The following MAL2 variants were observed in gnomAD, a reference collection of about 807,000 sequenced individuals.
MAL2 encodes protein MAL2.
A neutral mutation model predicts 18.1 loss-of-function variants in MAL2; 17 were observed. The ratio of observed to expected loss-of-function variants is 0.94; its 90% CI spans 0.64 to 1.41. The LOEUF (loss-of-function observed/expected upper bound fraction) is 1.41, where lower values mean the gene tolerates loss of function less well. MAL2 is among the 40% of genes most tolerant of loss of function. The pLI, the probability that MAL2 is intolerant of heterozygous loss-of-function variation, is 0.00. For missense variants in MAL2, 222 were observed against 231.9 expected, an observed-to-expected ratio of 0.96 and a Z score of 0.28; for synonymous variants, 102 against 102.3, an observed-to-expected ratio of 1.00 and a Z score of 0.02.
intron 2 of MAL2, among the ~76,000 whole-genome samples, chr8:119,239,247 A>G (rs1271747232): frequency 1.3e-5 from 2 of 152,200 alleles, no homozygotes; most frequent in African/African-American, 4.8e-5. Context: ...ACCAGTTAGA[A>G]TGGCAATCAT....
intron 2 of MAL2, among the ~76,000 whole-genome samples, chr8:119,225,698 G>T (rs893301187): frequency 3.3e-5 from 5 of 152,192 alleles, no homozygotes; most frequent in African/African-American, 1.2e-4. Context: ...TCGCCACACT[G>T]ACTTCCACAA....
At chr8:119,223,704 C>CA (rs1817519146) in intron 2 of MAL2, 1 of 152,178 alleles carries the variant, frequency 6.6e-6, no homozygotes, top group African/African-American at 2.4e-5. Context: ...GTATGGTAGG[C>CA]ATGCTTTCTA....
At chr8:119,236,188 A>G in intron 2 of MAL2, among the ~76,000 whole-genome samples, 1 of 102,616 alleles carries the variant, frequency 9.7e-6, no homozygotes, top group Non-Finnish European at 1.9e-5. Context: ...AGATCAAAAG[A>G]GACAAAGAAG....
At chr8:119,222,105 T>A (rs1266679555) in intron 2 of MAL2, among the ~76,000 whole-genome samples, 1 of 152,212 alleles carries the variant, frequency 6.6e-6, no homozygotes, top group African/African-American at 2.4e-5. Context: ...CATCTTGAAA[T>A]TTTCCATTAA....
chr8:119,233,528 TCAGAGAATACTA>T (rs1466841864), intron 2 of MAL2, among the ~76,000 whole-genome samples: 1 of 152,032 alleles, frequency 6.6e-6, no homozygotes, highest in African/African-American at 2.4e-5. Context: ...CAAACTACCA[TCAGAGAATACTA>T]CAAACACCTC....
intron 1 of MAL2, among the ~76,000 whole-genome samples, chr8:119,214,251 C>G (rs574641148): frequency 6.6e-6 from 1 of 152,310 alleles, no homozygotes; most frequent in East Asian, 1.9e-4. Flanking sequence ...GAGACATTGG[C>G]TGGAGTGGAG....
intron 2 of MAL2, among the ~76,000 whole-genome samples, chr8:119,237,374 T>A (rs1257765865): frequency 1.3e-5 from 2 of 151,632 alleles, no homozygotes; most frequent in African/African-American, 4.9e-5. Flanking sequence ...GAGGAACTGG[T>A]ACCATTCCTT....
chr8:119,232,606 A>G (rs965965670), intron 2 of MAL2, among the ~76,000 whole-genome samples: 5 of 152,214 alleles, frequency 3.3e-5, no homozygotes, highest in East Asian at 1.9e-4. Context: ...TTAATGAAAT[A>G]TATGAATATA....
At chr8:119,241,103 G>A (rs1818039060) in intron 3 of MAL2, among the ~76,000 whole-genome samples, 2 of 152,112 alleles carry the variant, frequency 1.3e-5, no homozygotes, top group South Asian at 4.1e-4. Context: ...AAATAACCCA[G>A]TACTCATATA....
chr8:119,237,059 G>T (rs999726299), intron 2 of MAL2, among the ~76,000 whole-genome samples: 1 of 151,802 alleles, frequency 6.6e-6, no homozygotes, highest in Non-Finnish European at 1.5e-5. Context: ...GACTAATAAA[G>T]AAAAAAAGAA....
intron 1 of MAL2, among the ~76,000 whole-genome samples, chr8:119,213,702 C>T (rs576726498): frequency 2.0e-5 from 3 of 152,146 alleles, no homozygotes; most frequent in East Asian, 1.9e-4. Context: ...GACTGTAATC[C>T]CAGCTACTTG....
intron 2 of MAL2, among the ~76,000 whole-genome samples, chr8:119,224,858 G>A (rs1422542165): frequency 1.3e-5 from 2 of 152,104 alleles, no homozygotes; most frequent in Non-Finnish European, 2.9e-5. Context: ...TCCATCCACT[G>A]CTTAGTATCT....
rs201509949 is a variant in MAL2 at position 119,234,177 on chromosome 8, C to T, written c.304-5988C>T. 1.9e-4 allele frequency among the ~76,000 whole-genome samples: 29 copies of T among 152,280 alleles called. No homozygotes were observed. The East Asian group carries it at 2.1e-3, about 11-fold the overall frequency. On this transcript the variant is annotated intron_variant, in intron 2 of 3. Transcript: ENST00000614891. ...GCAAGGGGTCAGAGAGTTCCCTTTC[C>T]GAGTCAAAGAAAGGGGTGACGGACG...
chr8:119,221,548 T>C, intron 1 of MAL2, 39 bp from the exon 2 acceptor site: 1 of 1,608,258 alleles, frequency 6.2e-7, no homozygotes, highest in South Asian at 1.1e-5. Flanking sequence ...GTGAAAGGTA[T>C]CTTTTAAGCA....
intron 2 of MAL2, among the ~76,000 whole-genome samples, chr8:119,232,569 T>C (rs56840596): frequency 0.079 from 11,979 of 152,200 alleles, 1,367 homozygotes; most frequent in African/African-American, 0.25. Context: ...CTTATACTTT[T>C]GGTGGAAGTA....
Position 119,245,556 on chromosome 8 carries a change from A to T in MAL2, c.*2068A>T, listed in dbSNP as rs1437851994. The T allele has an allele frequency of 3.9e-5, 6 of 152,604 alleles. No individual in the cohort carries two copies. The highest frequency in any genetic ancestry group is 1.4e-4 in the African/African-American group (6 of 41,468). 9.5% of individuals were successfully genotyped at this position (152,604 alleles called of 1,614,324 possible). The stretch of plus-strand genomic sequence containing the variant: ...AAAAATTATGGCATTTAAGAATTTA[A>T]CATGTCTTAGCTGTAAAAATGAGAA... On this transcript the variant is annotated 3_prime_UTR_variant, in exon 4 of 4. Coordinates refer to ENST00000614891, the MANE Select transcript of MAL2 (RefSeq NM_052886.3).
At chr8:119,215,471 A>C (rs1363434564) in intron 1 of MAL2, 7 of 152,122 alleles carry the variant, frequency 4.6e-5, no homozygotes, top group Admixed American at 4.6e-4. Context: ...GCATACGGAG[A>C]TGTTGAAGGC....
At chr8:119,229,648 T>C (rs1404174424) in intron 2 of MAL2, among the ~76,000 whole-genome samples, 1 of 152,152 alleles carries the variant, frequency 6.6e-6, no homozygotes, top group Non-Finnish European at 1.5e-5. Context: ...GTGTGTAACA[T>C]GCATCATCAC....
chr8:119,242,647 G>A (rs1234159273), intron 3 of MAL2, among the ~76,000 whole-genome samples: 2 of 152,164 alleles, frequency 1.3e-5, no homozygotes, highest in Non-Finnish European at 2.9e-5. Context: ...ATAGTAAACT[G>A]TGAAAATGGT....
Sources: allele counts gnomAD v4.1 joint callset (sites outside exome capture counted in the v4.1 genomes callset), GRCh38; gene constraint gnomAD v4.1.1; transcripts MANE v1.5; gene names NCBI Gene and HGNC (gene_info 2026-07-23, HGNC 2026-07-21).